Variants in DGKG observed in about 807,000 individuals in gnomAD.
The protein encoded by DGKG is DAG kinase gamma.
Under a neutral mutation model 105.3 loss-of-function variants are expected in DGKG, and 78 were observed. The ratio of observed to expected loss-of-function variants is 0.74; its 90% CI spans 0.62 to 0.89. The LOEUF (loss-of-function observed/expected upper bound fraction) is 0.89. Ranked by LOEUF, DGKG falls within the 40% of genes least tolerant of loss-of-function variation. DGKG has a pLI of 0.00. For missense variants in DGKG, 958 were observed against 1,020.1 expected, an observed-to-expected ratio of 0.94 and a Z score of 0.83; for synonymous variants, 346 against 367.1, an observed-to-expected ratio of 0.94 and a Z score of 0.66.
At chr3:186,355,974 A>G (rs1726935890) in intron 1 of DGKG, among the ~76,000 whole-genome samples, 1 of 152,186 alleles carries the variant, frequency 6.6e-6, no homozygotes, top group African/African-American at 2.4e-5. Flanking sequence ...CAGACCAACA[A>G]AATTGCTTCT....
rs141294760 is a variant in DGKG, at chr3:186,352,264, G to T, written c.-249+9682C>A. ...TGGACATTGGTCTGAGTCAATAGACGGCTACTGGGACAGCTCAGTTGCCAA... is the reference window on the plus strand; with the variant it reads ...TGGACATTGGTCTGAGTCAATAGACTGCTACTGGGACAGCTCAGTTGCCAA... On this transcript the variant is annotated intron_variant, in intron 1 of 24. Coordinates refer to ENST00000265022, the MANE Select transcript of DGKG (RefSeq NM_001346.3). Among the ~76,000 whole-genome samples the T allele has an allele frequency of 3.0e-3, 457 of 152,234 alleles. 3 individuals are homozygous for T. Among genetic ancestry groups the T allele is most frequent in the African/African-American group, 0.01 (434 of 41,516 alleles).
At chr3:186,188,774 A>G (rs1717765074) in intron 21 of DGKG, among the ~76,000 whole-genome samples, 2 of 152,164 alleles carry the variant, frequency 1.3e-5, no homozygotes, top group Non-Finnish European at 2.9e-5. Flanking sequence ...CTAACAAATG[A>G]CAGAAAATTC....
In DGKG at chr3:186,260,454, C is replaced by T. The variant is rs201487065; in HGVS notation, c.1409G>A (p.Gly470Glu). 1.9e-6 allele frequency: 3 copies of T among 1,612,484 alleles called. No homozygotes were observed. The highest frequency in any genetic ancestry group is 2.7e-5 in the African/African-American group (2 of 74,956). Residue 470 changes from glycine (G) to glutamate (E), a missense_variant, in exon 16 of 25, where the codon GGG (glycine) becomes GAG (glutamate). By Grantham distance (98) the Gly-to-Glu change is moderately conservative (BLOSUM62 -2). Transcript: ENST00000265022. ...ATCTCCATACCCTGGAGTAGGCCCC[C>T]CATTGTCCAGGTTGAAAACTTGTTT... ...NPKQVFNLDN[G>E]GPTPGLNFFR...
intron 22 of DGKG, among the ~76,000 whole-genome samples, chr3:186,178,348 T>G (rs1487606665): frequency 6.6e-6 from 1 of 152,104 alleles, no homozygotes; most frequent in Admixed American, 6.5e-5. Context: ...GTGCCCAATA[T>G]GAAATGGTCT....
At chr3:186,244,553 C>T (rs557510932) in intron 19 of DGKG, among the ~76,000 whole-genome samples, 4 of 151,912 alleles carry the variant, frequency 2.6e-5, no homozygotes, top group East Asian at 1.9e-4. Flanking sequence ...TACAGGCATC[C>T]GCCACCATGT....
At chr3:186,215,799 G>A (rs1219692114) in intron 20 of DGKG, among the ~76,000 whole-genome samples, 1 of 152,076 alleles carries the variant, frequency 6.6e-6, no homozygotes, top group Non-Finnish European at 1.5e-5. Context: ...TCCTGAGAGA[G>A]GGGCACAGGA....
intron 1 of DGKG, among the ~76,000 whole-genome samples, chr3:186,326,392 C>T (rs1725344999): frequency 6.7e-6 from 1 of 149,692 alleles, no homozygotes. Flanking sequence ...GAGTGAGACA[C>T]TGTCTTAAAA....
intron 18 of DGKG, 54 bp downstream of exon 18, chr3:186,253,039 T>C: frequency 6.7e-7 from 1 of 1,497,574 alleles, no homozygotes; most frequent in East Asian, 2.3e-5. Context: ...GTAGAGCATC[T>C]CTGTAAACAG....
chr3:186,359,761 A>T (rs1727140729), intron 1 of DGKG, among the ~76,000 whole-genome samples: 1 of 152,158 alleles, frequency 6.6e-6, no homozygotes, highest in African/African-American at 2.4e-5. Context: ...ATGGAAAGGA[A>T]ATATGCCAGT....
In DGKG at chr3:186,242,495, G is replaced by A; in HGVS notation, c.1826+9C>T. On this transcript the variant is annotated intron_variant, in intron 20 of 24. Transcript: ENST00000265022. ...GGTGGGTGGCAGCGCAGCCGGGCCTGCAGCTTACCTGCTGTTGAATTTTTC... is the reference window on the plus strand; with the variant it reads ...GGTGGGTGGCAGCGCAGCCGGGCCTACAGCTTACCTGCTGTTGAATTTTTC... 6.2e-7 allele frequency: 1 copy of A among 1,610,934 alleles called. No homozygotes were observed.
chr3:186,164,804 T>TG, intron 23 of DGKG, 94 bp downstream of exon 23: 1 of 1,420,978 alleles, frequency 7.0e-7, no homozygotes, highest in Non-Finnish European at 9.5e-7. Flanking sequence ...GCACTCTCCC[T>TG]GCCCTAAAAT....
At chr3:186,236,138 A>T (rs10513802) in intron 20 of DGKG, among the ~76,000 whole-genome samples, 9,703 of 152,198 alleles carry the variant, frequency 0.064, 432 homozygotes, top group African/African-American at 0.13. Context: ...TAGAATCCAA[A>T]CCAACCAAAG....
chr3:186,187,243 T>G (rs567051077), intron 22 of DGKG, among the ~76,000 whole-genome samples: 1 of 152,228 alleles, frequency 6.6e-6, no homozygotes, highest in Non-Finnish European at 1.5e-5. Flanking sequence ...GAGGAAGCTT[T>G]GCAGTAATCC....
chr3:186,243,790 C>T (rs563106627), intron 19 of DGKG, among the ~76,000 whole-genome samples: 1 of 152,028 alleles, frequency 6.6e-6, no homozygotes, highest in East Asian at 1.9e-4. Flanking sequence ...TATACAAACC[C>T]ATTTACTGGA....
chr3:186,310,277 A>AAAAAAAAAAAAAC (rs1724467877), intron 2 of DGKG, among the ~76,000 whole-genome samples: 1 of 148,800 alleles, frequency 6.7e-6, no homozygotes, highest in African/African-American at 2.4e-5. Flanking sequence ...AAAAAAAAAA[A>AAAAAAAAAAAAAC]AAAAAAAAAA....
intron 2 of DGKG, among the ~76,000 whole-genome samples, chr3:186,310,115 A>G (rs1724451656): frequency 3.3e-5 from 5 of 151,238 alleles, no homozygotes; most frequent in Admixed American, 6.6e-5. Flanking sequence ...AAAAATACAA[A>G]AATTAGCCGG....
intron 5 of DGKG, among the ~76,000 whole-genome samples, chr3:186,297,068 T>TCACA (rs55826465): frequency 0.081 from 10,510 of 130,316 alleles, 494 homozygotes; most frequent in East Asian, 0.19. Flanking sequence ...TCTGTCTCTC[T>TCACA]CACACACACA....
intron 17 of DGKG, among the ~76,000 whole-genome samples, chr3:186,254,148 C>T (rs1328380220): frequency 6.6e-6 from 1 of 152,106 alleles, no homozygotes; most frequent in Non-Finnish European, 1.5e-5. Context: ...ATCCATCAGT[C>T]TTGGGGGTGG....
chr3:186,274,557 GC>G (rs1722488059), intron 10 of DGKG, among the ~76,000 whole-genome samples: 1 of 115,194 alleles, frequency 8.7e-6, no homozygotes, highest in Non-Finnish European at 1.7e-5. Flanking sequence ...CCCACGACAG[GC>G]CCCAGTGTGT....
Sources: gnomAD v4.1 joint callset for allele counts (sites outside exome capture counted in the v4.1 genomes callset) on GRCh38, gnomAD v4.1.1 for gene constraint, MANE v1.5 for transcripts, NCBI Gene and HGNC (gene_info 2026-07-23, HGNC 2026-07-21) for gene names.